The following LYRM4 variants were observed in gnomAD, a reference collection of about 807,000 sequenced individuals.
LYRM4 encodes LYR motif-containing protein 4.
LYRM4 carries 9 observed loss-of-function variants against 11.7 expected under a neutral mutation model. The ratio of observed to expected loss-of-function variants is 0.77; its 90% CI spans 0.46 to 1.34. The LOEUF (loss-of-function observed/expected upper bound fraction) is 1.34, where lower values mean the gene tolerates loss of function less well. Ranked by LOEUF, LYRM4 falls within the 40% of genes most tolerant of loss-of-function variation. The pLI, the probability that LYRM4 is intolerant of heterozygous loss-of-function variation, is 0.00. For missense variants in LYRM4, 133 were observed against 112.5 expected, an observed-to-expected ratio of 1.18 and a Z score of -0.82; for synonymous variants, 42 against 40.4, an observed-to-expected ratio of 1.04 and a Z score of -0.15.
the LYRM4 span, among the ~76,000 whole-genome samples, chr6:5,068,369 G>T: frequency 6.6e-6 from 1 of 152,094 alleles, no homozygotes; most frequent in East Asian, 1.9e-4. The surrounding 1 kb of genome is among the most constrained non-coding windows in gnomAD (Gnocchi z 4.0). Flanking sequence ...CCAGCACGCC[G>T]GCCCCTCACC....
downstream of LYRM4, among the ~76,000 whole-genome samples, chr6:5,100,547 G>A (rs1261296632): frequency 1.3e-5 from 2 of 151,290 alleles, no homozygotes; most frequent in African/African-American, 2.4e-5. Flanking sequence ...TTGGGGACAG[G>A]TGTCATCCCA....
the LYRM4 span, among the ~76,000 whole-genome samples, chr6:5,051,613 A>C: frequency 6.6e-6 from 1 of 152,248 alleles, no homozygotes; most frequent in Non-Finnish European, 1.5e-5. Context: ...AAAATGAGGA[A>C]GAAATTAAGA....
At chr6:5,225,413 A>G (rs1325294616) in intron 1 of LYRM4, among the ~76,000 whole-genome samples, 1 of 152,194 alleles carries the variant, frequency 6.6e-6, no homozygotes, top group Non-Finnish European at 1.5e-5. Context: ...TGGAGACATT[A>G]GGTTCATATT....
At chr6:5,069,504 C>T in the LYRM4 span, among the ~76,000 whole-genome samples, 2 of 150,472 alleles carry the variant, frequency 1.3e-5, no homozygotes, top group Non-Finnish European at 3.0e-5. Context: ...TTTGTTTTTA[C>T]GAAGTCTTGC....
chr6:5,040,404 T>C, the LYRM4 span, among the ~76,000 whole-genome samples: 5 of 139,014 alleles, frequency 3.6e-5, no homozygotes, highest in African/African-American at 1.3e-4. Flanking sequence ...TAAAGAAATT[T>C]CTTTTAAAGA....
At chr6:5,171,272 A>G (rs1337400149) in intron 2 of LYRM4, among the ~76,000 whole-genome samples, 3 of 152,132 alleles carry the variant, frequency 2.0e-5, no homozygotes, top group African/African-American at 7.2e-5. Context: ...TCATCCATCT[A>G]CGTTACATCC....
chr6:5,196,613 A>T lies in LYRM4; in HGVS notation c.207+20005T>A, dbSNP rs375829004. Among the ~76,000 whole-genome samples the T allele has an allele frequency of 2.1e-3, 327 of 152,342 alleles. 2 individuals carry two copies. The highest frequency in any genetic ancestry group is 6.9e-3 in the African/African-American group (286 of 41,584). ...TCTCCTCAGAGGAGCTGGGCACAGC[A>T]CACCACTATCAGGGGAAACATATTT... is the stretch of plus-strand genomic sequence containing the variant. On this transcript the variant is annotated intron_variant, in intron 2 of 2. Coordinates refer to ENST00000330636, the MANE Select transcript of LYRM4 (RefSeq NM_020408.6).
At chr6:5,160,256 T>C (rs937826648) in intron 2 of LYRM4, among the ~76,000 whole-genome samples, 1 of 152,130 alleles carries the variant, frequency 6.6e-6, no homozygotes, top group Non-Finnish European at 1.5e-5. Flanking sequence ...TCAACTCCCT[T>C]GGATTGGTTA....
At chr6:5,059,340 C>CAAAA in the LYRM4 span, among the ~76,000 whole-genome samples, 85 of 85,992 alleles carry the variant, frequency 9.9e-4, 1 homozygote, top group South Asian at 1.7e-3. Flanking sequence ...CGCCCTGTCT[C>CAAAA]AAAAAAAAAA....
chr6:5,149,030 T>C (rs1258503146), intron 2 of LYRM4, among the ~76,000 whole-genome samples: 2 of 152,200 alleles, frequency 1.3e-5, no homozygotes, highest in African/African-American at 2.4e-5. Flanking sequence ...TTAATTATTA[T>C]ATTTTTAGGA....
At chr6:5,097,851 C>T in the LYRM4 span, among the ~76,000 whole-genome samples, 2 of 152,334 alleles carry the variant, frequency 1.3e-5, no homozygotes, top group African/African-American at 4.8e-5. Flanking sequence ...ACATGCTGTA[C>T]ATACACTAAT....
At chr6:5,053,287 C>T in the LYRM4 span, among the ~76,000 whole-genome samples, 1 of 152,232 alleles carries the variant, frequency 6.6e-6, no homozygotes, top group South Asian at 2.1e-4. Flanking sequence ...TAAACCCTTT[C>T]CTCTACTGCA....
intron 2 of LYRM4, among the ~76,000 whole-genome samples, chr6:5,151,304 C>CT (rs1758075592): frequency 6.6e-6 from 1 of 152,112 alleles, no homozygotes; most frequent in South Asian, 2.1e-4. Context: ...AGGATGGTCT[C>CT]TATCTGTTGA....
At chr6:5,242,096 A>G (rs2773300) in intron 1 of LYRM4, among the ~76,000 whole-genome samples, 42,200 of 147,576 alleles carry the variant, frequency 0.29, 7,585 homozygotes, top group African/African-American at 0.51. Context: ...TTTTTGAGAT[A>G]GAGTCTCACT....
At chr6:5,138,804 T>G (rs1386523239) in intron 2 of LYRM4, 1 of 1,281,768 alleles carries the variant, frequency 7.8e-7, no homozygotes, top group East Asian at 2.5e-5. Context: ...AAGAGTTCTT[T>G]GGGATTTCAA....
intron 2 of LYRM4, chr6:5,144,194 G>A (rs1035072291): frequency 1.3e-6 from 2 of 1,536,872 alleles, no homozygotes; most frequent in Non-Finnish European, 1.7e-6. Flanking sequence ...GCCAACTTGT[G>A]CAGGGCTTCC....
chr6:5,130,706 A>C (rs979857859), intron 2 of LYRM4, among the ~76,000 whole-genome samples: 2 of 152,216 alleles, frequency 1.3e-5, no homozygotes, highest in Non-Finnish European at 2.9e-5. Flanking sequence ...AAACTTCTTT[A>C]TGAAATTTAT....
intron 2 of LYRM4, among the ~76,000 whole-genome samples, chr6:5,213,787 C>T (rs1341817840): frequency 3.9e-5 from 6 of 152,220 alleles, no homozygotes; most frequent in Admixed American, 6.5e-5. Context: ...TCAGTGAAAA[C>T]TTACTAAGAG....
chr6:5,226,875 T>C (rs1022992188), intron 1 of LYRM4, among the ~76,000 whole-genome samples: 4 of 152,130 alleles, frequency 2.6e-5, no homozygotes, highest in African/African-American at 9.7e-5. Flanking sequence ...CCTATTGATA[T>C]AATAAAAATC....
Sources: allele counts gnomAD v4.1 joint callset (sites outside exome capture counted in the v4.1 genomes callset), GRCh38; gene constraint gnomAD v4.1.1; non-coding constraint Gnocchi (gnomAD v3.1); transcripts MANE v1.5; gene names NCBI Gene and HGNC (gene_info 2026-07-23, HGNC 2026-07-21).